ZDHHC17: variants seen among roughly 807,000 people sequenced by gnomAD.
ZDHHC17 encodes the protein zDHHC palmitoyltransferase 17.
In ZDHHC17, 40 loss-of-function variants were observed where a neutral mutation model predicts 90.3. The ratio of observed to expected loss-of-function variants is 0.44; its 90% CI spans 0.34 to 0.58. The LOEUF (loss-of-function observed/expected upper bound fraction) is 0.58, where lower values mean the gene tolerates loss of function less well. Among genes scored for constraint, ZDHHC17 ranks in the 20% least tolerant of loss-of-function variants. The pLI is 0.01. For synonymous variants in ZDHHC17, 235 were observed against 252.4 expected (o/e 0.93, Z 0.65); for missense variants, 614 against 780.8 (o/e 0.79, Z 2.55).
chr12:76,783,213 A>G (rs990048511), intron 1 of ZDHHC17, among the ~76,000 whole-genome samples: 2 of 152,242 alleles, frequency 1.3e-5, no homozygotes, highest in African/African-American at 4.8e-5. Flanking sequence ...AAAACTACAA[A>G]ACTCCAGTCA....
intron 5 of ZDHHC17, among the ~76,000 whole-genome samples, chr12:76,814,306 G>A (rs531785408): frequency 6.6e-6 from 1 of 151,858 alleles, no homozygotes; most frequent in Admixed American, 6.6e-5. Context: ...GCCAGGGAAA[G>A]CAAAAAATTG....
At chr12:76,776,476 A>G (rs1218850310) in intron 1 of ZDHHC17, among the ~76,000 whole-genome samples, 1 of 152,076 alleles carries the variant, frequency 6.6e-6, no homozygotes, top group Admixed American at 6.5e-5. Flanking sequence ...TTTTACATAC[A>G]TGTTCATGTA....
intron 1 of ZDHHC17, among the ~76,000 whole-genome samples, chr12:76,795,056 A>C (rs1472724058): frequency 6.6e-6 from 1 of 152,056 alleles, no homozygotes; most frequent in Non-Finnish European, 1.5e-5. Flanking sequence ...TTTCTTCTCT[A>C]CTTTGTCTTT....
intron 1 of ZDHHC17, among the ~76,000 whole-genome samples, chr12:76,765,916 G>C (rs1202502611): frequency 1.3e-5 from 2 of 152,118 alleles, no homozygotes; most frequent in Non-Finnish European, 2.9e-5. Flanking sequence ...TGTCTAGGCT[G>C]GTCTTGAACT....
At chr12:76,792,034 T>C (rs1251571421) in intron 1 of ZDHHC17, among the ~76,000 whole-genome samples, 2 of 152,184 alleles carry the variant, frequency 1.3e-5, no homozygotes, top group African/African-American at 4.8e-5. Context: ...AAATGTTGTT[T>C]CAGGAGGTTT....
intron 5 of ZDHHC17, among the ~76,000 whole-genome samples, chr12:76,812,331 T>C (rs11115518): frequency 0.011 from 1,678 of 152,160 alleles, 11 homozygotes; most frequent in Non-Finnish European, 0.017. Context: ...TTTTTGCTAC[T>C]TTTTCAGCAA....
At chr12:76,793,576 T>C (rs531250786) in intron 1 of ZDHHC17, among the ~76,000 whole-genome samples, 1 of 152,290 alleles carries the variant, frequency 6.6e-6, no homozygotes, top group South Asian at 2.1e-4. Flanking sequence ...CACTTTTACC[T>C]TGAGGCACCT....
intron 12 of ZDHHC17, 108 bp downstream of exon 12, chr12:76,843,089 A>AT: frequency 1.3e-6 from 1 of 766,224 alleles, no homozygotes; most frequent in South Asian, 2.4e-5. Context: ...CAATGAACAC[A>AT]TTCCCTGCTT....
intron 10 of ZDHHC17, among the ~76,000 whole-genome samples, chr12:76,837,929 A>G (rs1283494387): frequency 6.6e-6 from 1 of 152,174 alleles, no homozygotes; most frequent in Non-Finnish European, 1.5e-5. Flanking sequence ...CTGGAATTAT[A>G]GGTGCATGCC....
intron 10 of ZDHHC17, among the ~76,000 whole-genome samples, chr12:76,836,025 G>A (rs532807004): frequency 1.3e-5 from 2 of 151,430 alleles, no homozygotes; most frequent in African/African-American, 4.8e-5. Flanking sequence ...ACTTATGCAT[G>A]CCTGGAGTAA....
intron 1 of ZDHHC17, among the ~76,000 whole-genome samples, chr12:76,797,133 A>AC (rs2137745410): frequency 6.6e-6 from 1 of 152,142 alleles, no homozygotes; most frequent in South Asian, 2.1e-4. Context: ...GCATGGTGGC[A>AC]CGTGCCTATA....
chr12:76,795,084 T>A (rs1000628561), intron 1 of ZDHHC17, among the ~76,000 whole-genome samples: 2 of 152,302 alleles, frequency 1.3e-5, no homozygotes, highest in East Asian at 3.9e-4. Context: ...GGATTGGAAG[T>A]CCTTCAGGAT....
In ZDHHC17 at chr12:76,805,324, A is replaced by G; in HGVS notation, c.205A>G (p.Ile69Val). 1 of 1,597,456 alleles carries G rather than the reference A, an allele frequency of 6.3e-7. No individual in the cohort carries two copies. Residue 69 changes from isoleucine (I) to valine (V), a missense_variant, in exon 3 of 17, where the codon ATA becomes GTA. Coordinates refer to ENST00000426126, the MANE Select transcript of ZDHHC17 (RefSeq NM_015336.4). ...WDIVKATQYG[I>V]YERCRELVEA... Reference sequence around the variant, plus strand: ...ATTTTCTTTCTTTTCTAGATATGGAATATATGAACGCTGTCGAGAATTGGT... The same window carrying G: ...ATTTTCTTTCTTTTCTAGATATGGAGTATATGAACGCTGTCGAGAATTGGT...
chr12:76,809,233 T>A (rs946472914), intron 4 of ZDHHC17, 113 bp downstream of exon 4: 8 of 616,346 alleles, frequency 1.3e-5, no homozygotes, highest in Middle Eastern at 4.8e-4. Flanking sequence ...ATGCCGTTAG[T>A]TAATATCATA....
At chr12:76,848,630 T>A (rs1953523685) in intron 15 of ZDHHC17, among the ~76,000 whole-genome samples, 1 of 152,220 alleles carries the variant, frequency 6.6e-6, no homozygotes, top group South Asian at 2.1e-4. Flanking sequence ...CTTAAATACA[T>A]CCAGTTGAGT....
intron 1 of ZDHHC17, among the ~76,000 whole-genome samples, chr12:76,777,036 C>A (rs780657238): frequency 3.9e-5 from 6 of 152,126 alleles, no homozygotes; most frequent in Non-Finnish European, 7.4e-5. Context: ...AGTGGTAACA[C>A]CTTGCAAAAT....
intron 10 of ZDHHC17, among the ~76,000 whole-genome samples, chr12:76,838,185 G>A (rs1237405369): frequency 3.9e-5 from 6 of 151,932 alleles, no homozygotes; most frequent in Non-Finnish European, 4.4e-5. Flanking sequence ...TAATTATGAA[G>A]CATCTTTGGT....
At chr12:76,831,629 C>T (rs1037861739) in intron 10 of ZDHHC17, among the ~76,000 whole-genome samples, 4 of 151,970 alleles carry the variant, frequency 2.6e-5, no homozygotes, top group East Asian at 1.9e-4. Context: ...GGATTACAGG[C>T]GTGAGCCACT....
At position 76,846,671 on chromosome 12, in the gene ZDHHC17, G is replaced by A; in HGVS notation, c.1499G>A (p.Cys500Tyr). 6.2e-7 allele frequency: 1 copy of A among 1,607,552 alleles called. No individual in the cohort carries two copies. The highest frequency in any genetic ancestry group is 2.2e-5 in the East Asian group (1 of 44,784). The change falls in exon 14 of 17, where the codon TGT (cysteine) becomes TAT (tyrosine). Residue 500 changes from cysteine to tyrosine, a missense_variant. By Grantham distance (194) the Cys-to-Tyr change is radical. Coordinates refer to ENST00000426126, the MANE Select transcript of ZDHHC17 (RefSeq NM_015336.4). The part of the protein sequence containing the change: ...LFMICWMIYG[C>Y]ISYWGLHCET... ...ATGATCTGCTGGATGATTTATGGTT[G>A]TATATCTTGTGAGTACAATTAGTTT... is the stretch of plus-strand genomic sequence containing the variant.
Sources: allele counts gnomAD v4.1 joint callset (sites outside exome capture counted in the v4.1 genomes callset), GRCh38; gene constraint gnomAD v4.1.1; transcripts MANE v1.5; gene names NCBI Gene and HGNC (gene_info 2026-07-23, HGNC 2026-07-21).